ZNF536: variants seen among roughly 807,000 people sequenced by gnomAD.
The protein encoded by ZNF536 is zinc finger protein 536.
ZNF536 carries 13 observed loss-of-function variants against 84.5 expected under a neutral mutation model. The ratio of observed to expected loss-of-function variants is 0.15; its 90% CI spans 0.10 to 0.24. The LOEUF (loss-of-function observed/expected upper bound fraction) is 0.24, where lower values mean the gene tolerates loss of function less well. Among genes scored for constraint, ZNF536 ranks in the 10% least tolerant of loss-of-function variants. ZNF536 has a pLI of 1.00. For missense variants in ZNF536, 1,536 were observed against 1,747.5 expected (o/e 0.88, Z 2.16); for synonymous variants, 811 against 742.5 (o/e 1.09, Z -1.50).
At chr19:30,312,198 A>G (rs1341752203) in intron 2 of ZNF536, among the ~76,000 whole-genome samples, 1 of 152,184 alleles carries the variant, frequency 6.6e-6, no homozygotes, top group Non-Finnish European at 1.5e-5. Context: ...GAGGCGGTGC[A>G]TGAGAGAAGA....
At chr19:30,283,407 G>A (rs1488186367) in intron 1 of ZNF536, among the ~76,000 whole-genome samples, 1 of 152,198 alleles carries the variant, frequency 6.6e-6, no homozygotes, top group Non-Finnish European at 1.5e-5. Flanking sequence ...CTCTGAGCAT[G>A]CCGTAGGAGG....
rs1019253680 is a variant in ZNF536, at chr19:30,438,034, G to T, written c.-2-5527G>T. Among the ~76,000 whole-genome samples, 3 of 152,266 alleles carry T rather than the reference G, an allele frequency of 2.0e-5. No individual in the cohort carries two copies. In the South Asian group the frequency reaches 6.2e-4, roughly 32 times the overall value. ...TCTTGCAGAGGTTATTCAAAGTCCT[G>T]ACTGCCCAGTTGCCTTAAGCCCAGG... is the stretch of plus-strand genomic sequence containing the variant. On this transcript the variant is annotated intron_variant, in intron 1 of 4. Coordinates refer to ENST00000355537, the MANE Select transcript of ZNF536 (RefSeq NM_014717.3).
intron 2 of ZNF536, among the ~76,000 whole-genome samples, chr19:30,463,572 A>G (rs556849245): frequency 1.3e-5 from 2 of 152,182 alleles, no homozygotes; most frequent in Admixed American, 6.5e-5. Context: ...TCTTTCCATC[A>G]TGCTTCCCTG....
At chr19:30,555,269 G>A (rs2045924415) in intron 4 of ZNF536, 3 of 152,216 alleles carry the variant, frequency 2.0e-5, no homozygotes, top group South Asian at 2.1e-4. Flanking sequence ...GTGCTTCTCA[G>A]TTGAGTTTGC....
intron 2 of ZNF536, among the ~76,000 whole-genome samples, chr19:30,319,297 T>G (rs547209920): frequency 1.3e-5 from 2 of 152,078 alleles, no homozygotes; most frequent in Non-Finnish European, 2.9e-5. Flanking sequence ...ATTTATTATT[T>G]GCTACCAATG....
At chr19:30,558,092 C>A (rs563038407), downstream of ZNF536, 3 of 148,768 alleles carry the variant, frequency 2.0e-5, no homozygotes, top group African/African-American at 7.9e-5. Flanking sequence ...TAATTCATTC[C>A]GCAACATCCC....
At chr19:30,230,938 G>C (rs191213084) in intron 1 of ZNF536, among the ~76,000 whole-genome samples, 5 of 151,592 alleles carry the variant, frequency 3.3e-5, no homozygotes, top group Admixed American at 2.6e-4. Context: ...GGGGAAGAAA[G>C]ACAGCAATGA....
intron 1 of ZNF536, among the ~76,000 whole-genome samples, chr19:30,706,497 AAAAG>A (rs1220657471): frequency 1.3e-5 from 2 of 152,022 alleles, no homozygotes; most frequent in Non-Finnish European, 2.9e-5. Context: ...AAAAAAAAAA[AAAAG>A]AAAGAAAATA....
chr19:30,362,413 G>A (rs2048303866), intron 3 of ZNF536, among the ~76,000 whole-genome samples: 1 of 152,224 alleles, frequency 6.6e-6, no homozygotes, highest in African/African-American at 2.4e-5. Context: ...AAAGTACTAG[G>A]CCTGGACTCC....
At chr19:30,597,069 C>T (rs2047492249) in intron 1 of ZNF536, among the ~76,000 whole-genome samples, 1 of 152,098 alleles carries the variant, frequency 6.6e-6, no homozygotes, top group Non-Finnish European at 1.5e-5. Context: ...GTTACTTAAT[C>T]CCTTAAATGT....
chr19:30,563,101 T>C (rs2046229935), intron 1 of ZNF536, among the ~76,000 whole-genome samples: 1 of 152,150 alleles, frequency 6.6e-6, no homozygotes, highest in African/African-American at 2.4e-5. Flanking sequence ...TCTGCAGCCA[T>C]GTAGGCTCCA....
At chr19:30,581,413 G>T (rs760848586) in intron 1 of ZNF536, among the ~76,000 whole-genome samples, 4 of 152,110 alleles carry the variant, frequency 2.6e-5, no homozygotes, top group Non-Finnish European at 5.9e-5. Context: ...GGAGGTCGAG[G>T]TTGCAGTGAG....
At chr19:30,526,156 A>G (rs1005678984) in intron 2 of ZNF536, among the ~76,000 whole-genome samples, 1 of 152,174 alleles carries the variant, frequency 6.6e-6, no homozygotes, top group African/African-American at 2.4e-5. Context: ...TGCAGAGCCC[A>G]AAGAGACATG....
At chr19:30,561,216 T>C (rs1438855384), downstream of ZNF536, among the ~76,000 whole-genome samples, 2 of 152,258 alleles carry the variant, frequency 1.3e-5, no homozygotes, top group East Asian at 1.9e-4. Context: ...TTGCTCTTTT[T>C]ATATGATGGA....
chr19:30,530,578 C>T (rs2044764307), intron 2 of ZNF536, among the ~76,000 whole-genome samples: 1 of 152,178 alleles, frequency 6.6e-6, no homozygotes, highest in South Asian at 2.1e-4. Flanking sequence ...AACTCCTGAC[C>T]TCAGATGATC....
At chr19:30,461,033 T>C (rs936525482) in intron 2 of ZNF536, among the ~76,000 whole-genome samples, 4 of 152,116 alleles carry the variant, frequency 2.6e-5, no homozygotes, top group Admixed American at 2.6e-4. Context: ...TCAGGCCGTG[T>C]GGGCGCGTCG....
At chr19:30,268,295 A>G (rs953211906) in intron 1 of ZNF536, among the ~76,000 whole-genome samples, 2 of 152,138 alleles carry the variant, frequency 1.3e-5, no homozygotes, top group African/African-American at 4.8e-5. Context: ...GGACCACCCA[A>G]TCAGAGTTCA....
chr19:30,634,214 T>C (rs1406861402), intron 1 of ZNF536, among the ~76,000 whole-genome samples: 1 of 152,160 alleles, frequency 6.6e-6, no homozygotes, highest in Non-Finnish European at 1.5e-5. Context: ...GTGCTGGCTT[T>C]CTCCGATTGT....
chr19:30,472,479 A>AAAG (rs1183392226), intron 2 of ZNF536, among the ~76,000 whole-genome samples: 2 of 152,198 alleles, frequency 1.3e-5, no homozygotes, highest in Admixed American at 6.5e-5. Flanking sequence ...TGTGATCTCA[A>AAAG]AAGTGAGTAA....
Sources: gnomAD v4.1 joint callset for allele counts (sites outside exome capture counted in the v4.1 genomes callset) on GRCh38, gnomAD v4.1.1 for gene constraint, MANE v1.5 for transcripts, NCBI Gene and HGNC (gene_info 2026-07-23, HGNC 2026-07-21) for gene names.